TAS2R1: variants seen among roughly 807,000 people sequenced by gnomAD.
The protein encoded by TAS2R1 is taste receptor type 2 member 1.
For synonymous variants in TAS2R1, 141 were observed against 134.2 expected (o/e 1.05, Z -0.35); for missense variants, 370 against 353.4 (o/e 1.05, Z -0.38).
At chr5:9,861,442 G>T in the TAS2R1 span, among the ~76,000 whole-genome samples, 1 of 152,172 alleles carries the variant, frequency 6.6e-6, no homozygotes. Flanking sequence ...AACAGTACAA[G>T]TTACATATTA....
At chr5:9,884,765 T>G in the TAS2R1 span, among the ~76,000 whole-genome samples, 1 of 152,226 alleles carries the variant, frequency 6.6e-6, no homozygotes, top group African/African-American at 2.4e-5. Flanking sequence ...TTAATAACTC[T>G]TATTTAAATG....
intron 1 of TAS2R1, among the ~76,000 whole-genome samples, chr5:9,671,438 A>G (rs1244192276): frequency 6.6e-6 from 1 of 152,214 alleles, no homozygotes; most frequent in African/African-American, 2.4e-5. Flanking sequence ...CAACTTCAGC[A>G]AAGTTTCAGG....
chr5:9,650,269 T>C (rs572316014), intron 2 of TAS2R1, among the ~76,000 whole-genome samples: 1 of 150,302 alleles, frequency 6.7e-6, no homozygotes, highest in South Asian at 2.1e-4. Flanking sequence ...CAAAGGAAAC[T>C]TTTTTCAAAA....
chr5:9,791,927 G>A, the TAS2R1 span, among the ~76,000 whole-genome samples: 4 of 152,244 alleles, frequency 2.6e-5, no homozygotes, highest in East Asian at 1.9e-4. Context: ...CTTCTTCACC[G>A]TCAAGATCAC....
chr5:9,672,678 T>C (rs936964028), intron 1 of TAS2R1, among the ~76,000 whole-genome samples: 2 of 152,234 alleles, frequency 1.3e-5, no homozygotes, highest in Non-Finnish European at 2.9e-5. Context: ...TATATACTGC[T>C]GGTTGAAATG....
intron 1 of TAS2R1, among the ~76,000 whole-genome samples, chr5:9,676,686 C>A (rs947884225): frequency 6.6e-6 from 1 of 151,820 alleles, no homozygotes; most frequent in African/African-American, 2.4e-5. Flanking sequence ...ATCTATGAAA[C>A]CTTGGATTTG....
upstream of TAS2R1, among the ~76,000 whole-genome samples, chr5:9,633,806 T>C (rs529161191): frequency 6.6e-6 from 1 of 152,194 alleles, no homozygotes; most frequent in East Asian, 1.9e-4. Flanking sequence ...TTTTTTTTTC[T>C]TGCTGATTTG....
At chr5:9,898,858 C>T in the TAS2R1 span, among the ~76,000 whole-genome samples, 17 of 152,296 alleles carry the variant, frequency 1.1e-4, no homozygotes, top group East Asian at 7.7e-4. Context: ...AACGATCATG[C>T]GCACCACCCA....
chr5:9,635,521 G>C (rs1236320380), intron 2 of TAS2R1, among the ~76,000 whole-genome samples: 1 of 151,530 alleles, frequency 6.6e-6, no homozygotes, highest in African/African-American at 2.4e-5. Flanking sequence ...AGTTAAGATT[G>C]GTACCAATTC....
chr5:9,899,307 C>T, the TAS2R1 span, among the ~76,000 whole-genome samples: 1 of 152,182 alleles, frequency 6.6e-6, no homozygotes, highest in African/African-American at 2.4e-5. Flanking sequence ...CCAAGGGGAA[C>T]TTCTTTCCCT....
the TAS2R1 span, among the ~76,000 whole-genome samples, chr5:9,897,382 G>A: frequency 6.6e-6 from 1 of 152,206 alleles, no homozygotes; most frequent in Admixed American, 6.5e-5. Flanking sequence ...CCAGGAGGCA[G>A]AGGTTGCAGT....
the TAS2R1 span, among the ~76,000 whole-genome samples, chr5:9,835,026 T>C: frequency 6.6e-6 from 1 of 152,186 alleles, no homozygotes; most frequent in Non-Finnish European, 1.5e-5. Flanking sequence ...AGGTTAGAAA[T>C]TGATTGTCTG....
chr5:9,734,535 A>T, the TAS2R1 span, among the ~76,000 whole-genome samples: 1 of 152,326 alleles, frequency 6.6e-6, no homozygotes, highest in Admixed American at 6.5e-5. Flanking sequence ...GAGAAAATAG[A>T]TCAGAGATAA....
At chr5:9,679,013 A>G (rs577210429) in intron 1 of TAS2R1, among the ~76,000 whole-genome samples, 1 of 152,302 alleles carries the variant, frequency 6.6e-6, no homozygotes, top group Non-Finnish European at 1.5e-5. Context: ...CAGAAAATCA[A>G]ATCTTATTCA....
chr5:9,642,861 T>C (rs1026934687), intron 2 of TAS2R1, among the ~76,000 whole-genome samples: 1 of 152,084 alleles, frequency 6.6e-6, no homozygotes, highest in Non-Finnish European at 1.5e-5. Flanking sequence ...ATGGGAATAG[T>C]CTCTAGTCCT....
chr5:9,783,723 C>G, the TAS2R1 span, among the ~76,000 whole-genome samples: 1 of 152,140 alleles, frequency 6.6e-6, no homozygotes, highest in Non-Finnish European at 1.5e-5. Flanking sequence ...AACACCAAAA[C>G]TATTTTTTTA....
At chr5:9,730,601 A>C in the TAS2R1 span, among the ~76,000 whole-genome samples, 8 of 152,278 alleles carry the variant, frequency 5.3e-5, no homozygotes, top group East Asian at 1.5e-3. Flanking sequence ...TTGAGGACTC[A>C]AAGACACTTA....
At chr5:9,861,705 A>G in the TAS2R1 span, among the ~76,000 whole-genome samples, 1 of 152,176 alleles carries the variant, frequency 6.6e-6, no homozygotes, top group Non-Finnish European at 1.5e-5. Flanking sequence ...TACAGCAGCA[A>G]AAAGTCTCCC....
the TAS2R1 span, among the ~76,000 whole-genome samples, chr5:9,748,331 C>T: frequency 2.0e-5 from 3 of 152,042 alleles, no homozygotes; most frequent in African/African-American, 7.2e-5. Flanking sequence ...TTTATAAGAC[C>T]ATAATCTAAT....
Sources: allele counts gnomAD v4.1 joint callset (sites outside exome capture counted in the v4.1 genomes callset), GRCh38; gene constraint gnomAD v4.1.1; transcripts MANE v1.5; gene names NCBI Gene and HGNC (gene_info 2026-07-23, HGNC 2026-07-21).